Variants in RRAS2 observed in about 807,000 individuals in gnomAD.
RRAS2 encodes the protein ras-related protein R-Ras2.
In RRAS2, 7 loss-of-function variants were observed where a neutral mutation model predicts 27.6. The ratio of observed to expected loss-of-function variants is 0.25; its 90% confidence interval spans 0.14 to 0.48. The LOEUF is 0.48. RRAS2 is among the 20% of genes least tolerant of loss of function. The pLI, the probability that RRAS2 is intolerant of heterozygous loss-of-function variation, is 0.99. For missense variants in RRAS2, 178 were observed against 256.2 expected (o/e 0.69, Z 2.08); for synonymous variants, 86 against 90.9 (o/e 0.95, Z 0.31).
At chr11:14,316,794 A>C (rs782330120) in intron 1 of RRAS2, among the ~76,000 whole-genome samples, 1 of 152,220 alleles carries the variant, frequency 6.6e-6, no homozygotes, top group East Asian at 1.9e-4. Flanking sequence ...ACTAACACTT[A>C]TTAAGATATC....
intron 1 of RRAS2, among the ~76,000 whole-genome samples, chr11:14,297,321 C>T (rs948020046): frequency 2.0e-5 from 3 of 152,118 alleles, no homozygotes; most frequent in African/African-American, 7.2e-5. Flanking sequence ...ACATTCGTGG[C>T]GACCTATGCA....
intron 1 of RRAS2, among the ~76,000 whole-genome samples, chr11:14,327,308 T>C (rs1018335524): frequency 1.3e-5 from 2 of 152,180 alleles, no homozygotes; most frequent in Non-Finnish European, 1.5e-5. Flanking sequence ...GAAGAGAGGA[T>C]GGTCAAACCT....
intron 1 of RRAS2, among the ~76,000 whole-genome samples, chr11:14,347,265 G>T (rs2134030992): frequency 6.6e-6 from 1 of 152,214 alleles, no homozygotes; most frequent in Non-Finnish European, 1.5e-5. Flanking sequence ...GCAAATAAAA[G>T]CAATAACCCT....
chr11:14,288,982 G>A (rs1849739163), intron 4 of RRAS2, among the ~76,000 whole-genome samples: 1 of 152,096 alleles, frequency 6.6e-6, no homozygotes, highest in Admixed American at 6.5e-5. Context: ...TGTTCTATAT[G>A]CTAACGATAA....
intron 1 of RRAS2, among the ~76,000 whole-genome samples, chr11:14,315,525 C>A (rs528729653): frequency 2.6e-5 from 4 of 152,204 alleles, no homozygotes; most frequent in Admixed American, 2.6e-4. Flanking sequence ...TTGATGGGAT[C>A]CTGGATCAGA....
chr11:14,334,077 T>C (rs553989854), intron 1 of RRAS2, among the ~76,000 whole-genome samples: 6 of 152,226 alleles, frequency 3.9e-5, no homozygotes, highest in East Asian at 3.8e-4. Context: ...ATTGCACATA[T>C]AGGAAATTAC....
intron 1 of RRAS2, among the ~76,000 whole-genome samples, chr11:14,333,202 A>T (rs1848516900): frequency 6.6e-6 from 1 of 152,212 alleles, no homozygotes; most frequent in African/African-American, 2.4e-5. Context: ...AAAAAGAGTT[A>T]TATTTAACCA....
intron 1 of RRAS2, among the ~76,000 whole-genome samples, chr11:14,329,333 C>G (rs1370562483): frequency 3.9e-5 from 6 of 152,046 alleles, no homozygotes; most frequent in African/African-American, 1.4e-4. Context: ...AGGCTGGTCT[C>G]AAACTCCTGA....
intron 1 of RRAS2, among the ~76,000 whole-genome samples, chr11:14,315,361 C>A (rs1279531140): frequency 6.6e-6 from 1 of 152,172 alleles, no homozygotes; most frequent in African/African-American, 2.4e-5. Flanking sequence ...TAACCCTACA[C>A]CTGTCATGAG....
Position 14,279,014 on chromosome 11 carries a change from C to T in RRAS2, c.*323G>A, listed in dbSNP as rs1298411035. On this transcript the variant is annotated 3_prime_UTR_variant, in exon 6 of 6. Coordinates refer to ENST00000256196, the MANE Select transcript of RRAS2 (RefSeq NM_012250.6). ...AAAATTATTTCACAACCTGTAGCTT[C>T]AGCTTGGCAAACAGCTTAGATTCCA... 3 of 196,546 alleles carry T rather than the reference C, an allele frequency of 1.5e-5. No individual in the cohort carries two copies. The highest frequency in any genetic ancestry group is 3.1e-5 in the Non-Finnish European group (3 of 95,732). 12.2% of individuals were successfully genotyped at this position (196,546 alleles called of 1,614,324 possible). A position where few individuals can be genotyped will look rare whatever the true frequency, so the allele number is the denominator to read the frequency against.
intron 1 of RRAS2, among the ~76,000 whole-genome samples, chr11:14,307,044 AGCAG>A (rs1554948164): frequency 6.6e-6 from 1 of 152,076 alleles, no homozygotes; most frequent in Non-Finnish European, 1.5e-5. Context: ...TACAAAAATT[AGCAG>A]GGCATGATGG....
At chr11:14,293,228 A>C (rs1847462964) in intron 4 of RRAS2, among the ~76,000 whole-genome samples, 1 of 146,110 alleles carries the variant, frequency 6.8e-6, no homozygotes, top group African/African-American at 2.5e-5. Context: ...TACACAGCTA[A>C]AATCAGAGAC....
chr11:14,323,046 G>A (rs551393179), intron 1 of RRAS2, among the ~76,000 whole-genome samples: 16 of 152,298 alleles, frequency 1.1e-4, no homozygotes, highest in African/African-American at 3.8e-4. Flanking sequence ...ACTACAGCTA[G>A]AGGAGACATT....
At chr11:14,294,642 C>G (rs972162046) in intron 3 of RRAS2, 63 bp from the exon 4 acceptor site, 1 of 1,463,576 alleles carries the variant, frequency 6.8e-7, no homozygotes. Flanking sequence ...TTCAGCAAGT[C>G]TCATGCCCCA....
intron 1 of RRAS2, among the ~76,000 whole-genome samples, chr11:14,334,826 A>G (rs1454466573): frequency 1.3e-5 from 2 of 152,162 alleles, no homozygotes; most frequent in Non-Finnish European, 2.9e-5. Context: ...CTATTGTACT[A>G]GCTTTTTCCT....
intron 1 of RRAS2, among the ~76,000 whole-genome samples, chr11:14,321,387 T>C (rs1848219752): frequency 6.6e-6 from 1 of 152,194 alleles, no homozygotes; most frequent in African/African-American, 2.4e-5. Context: ...TCATTCTTTA[T>C]ACTCACTTAA....
At chr11:14,280,468 C>T (rs1190381349) in intron 5 of RRAS2, among the ~76,000 whole-genome samples, 1 of 152,034 alleles carries the variant, frequency 6.6e-6, no homozygotes, top group Non-Finnish European at 1.5e-5. Context: ...GTGGCTCACG[C>T]TGTAATCCCA....
intron 1 of RRAS2, among the ~76,000 whole-genome samples, chr11:14,307,796 T>C (rs1847868835): frequency 6.6e-6 from 1 of 152,204 alleles, no homozygotes; most frequent in African/African-American, 2.4e-5. Flanking sequence ...AGTCGTTTCA[T>C]TAAAAATGGA....
At chr11:14,297,760 T>C (rs868921876) in intron 1 of RRAS2, among the ~76,000 whole-genome samples, 19 of 152,090 alleles carry the variant, frequency 1.2e-4, no homozygotes, top group Admixed American at 7.9e-4. Context: ...TAACACCCTG[T>C]CTCTTAAAAA....
Sources: allele counts gnomAD v4.1 joint callset (sites outside exome capture counted in the v4.1 genomes callset), GRCh38; gene constraint gnomAD v4.1.1; transcripts MANE v1.5; gene names NCBI Gene and HGNC (gene_info 2026-07-23, HGNC 2026-07-21).